LRP1B: variants seen among roughly 807,000 people sequenced by gnomAD.
The protein encoded by LRP1B is low-density lipoprotein receptor-related protein 1B.
Under a neutral mutation model 556.6 loss-of-function variants are expected in LRP1B, and 217 were observed. The observed-to-expected ratio is 0.39, with a 90% CI of 0.35 to 0.44. LRP1B has a LOEUF of 0.44. Ranked by LOEUF, LRP1B falls within the 20% of genes least tolerant of loss-of-function variation. The probability of loss-of-function intolerance (pLI) is 1.00; values close to 1 mark genes in which losing one functional copy is unlikely to be tolerated. For synonymous variants in LRP1B, 2,047 were observed against 1,865.8 expected, an observed-to-expected ratio of 1.10 and a Z score of -2.50; for missense variants, 5,053 against 5,620.8, an observed-to-expected ratio of 0.90 and a Z score of 3.23.
At chr2:140,594,330 T>C (rs1019837560) in intron 43 of LRP1B, among the ~76,000 whole-genome samples, 2 of 151,772 alleles carry the variant, frequency 1.3e-5, no homozygotes, top group African/African-American at 2.4e-5. Flanking sequence ...AGAACAAAGC[T>C]ACATGCTGTT....
At chr2:140,928,290 A>G (rs899241504) in intron 20 of LRP1B, among the ~76,000 whole-genome samples, 10 of 152,218 alleles carry the variant, frequency 6.6e-5, no homozygotes, top group African/African-American at 2.4e-4. Context: ...TATTATAGAT[A>G]GTATAACAGA....
chr2:142,102,310 G>GACACACACAC (rs545948639), intron 1 of LRP1B, among the ~76,000 whole-genome samples: 3 of 150,984 alleles, frequency 2.0e-5, no homozygotes, highest in Non-Finnish European at 3.0e-5. Flanking sequence ...AAATGACACA[G>GACACACACAC]ACACACACAC....
At chr2:140,286,360 G>A (rs1683152624) in intron 84 of LRP1B, among the ~76,000 whole-genome samples, 2 of 151,820 alleles carry the variant, frequency 1.3e-5, no homozygotes, top group African/African-American at 4.8e-5. Context: ...GAGGGAGACT[G>A]GAAAGGAAAA....
chr2:140,660,989 C>T (rs908169343), intron 41 of LRP1B, among the ~76,000 whole-genome samples: 2 of 151,494 alleles, frequency 1.3e-5, no homozygotes, highest in Non-Finnish European at 2.9e-5. Context: ...TCTTCTTCTG[C>T]TTTTGTTAAC....
chr2:141,983,640 C>T (rs1190554513), intron 1 of LRP1B, among the ~76,000 whole-genome samples: 2 of 152,112 alleles, frequency 1.3e-5, no homozygotes, highest in Non-Finnish European at 2.9e-5. Context: ...ACATTTTTAA[C>T]AGTGAAAATC....
intron 2 of LRP1B, among the ~76,000 whole-genome samples, chr2:141,543,746 A>C (rs1685355578): frequency 6.6e-6 from 1 of 151,796 alleles, no homozygotes; most frequent in East Asian, 1.9e-4. Context: ...AGAAAAAAAA[A>C]ACAAATACAC....
At chr2:141,002,046 C>T (rs1232209496) in intron 15 of LRP1B, among the ~76,000 whole-genome samples, 1 of 152,026 alleles carries the variant, frequency 6.6e-6, no homozygotes, top group African/African-American at 2.4e-5. Flanking sequence ...TGTTGGCAAA[C>T]TGTGGATCTT....
chr2:140,903,310 T>C, intron 22 of LRP1B, 145 bp from the exon 23 acceptor site: 1 of 871,494 alleles, frequency 1.1e-6, no homozygotes, highest in Non-Finnish European at 1.7e-6. Flanking sequence ...TTATTTTTGC[T>C]TCAGGGGTTG....
intron 1 of LRP1B, among the ~76,000 whole-genome samples, chr2:141,822,437 G>T (rs1574400611): frequency 6.6e-6 from 1 of 152,012 alleles, no homozygotes; most frequent in South Asian, 2.1e-4. Flanking sequence ...AAATGCAAAA[G>T]AAAAAGCCTA....
rs1454428345 is a variant in LRP1B, at chr2:141,474,043, CCTTT to C, written c.343+6349_343+6352del. Among the ~76,000 whole-genome samples, 181 of 113,598 alleles carry C rather than the reference CCTTT, an allele frequency of 1.6e-3. 1 individual carries two copies. Among genetic ancestry groups the C allele is most frequent in the Non-Finnish European group, 1.3e-3 (78 of 58,010 alleles). The allele number at this position is 113,598 out of a possible 152,430, so 74.5% of individuals were successfully genotyped here. On this transcript the variant is annotated intron_variant, in intron 3 of 90. Transcript: ENST00000389484. ...TCCTTCCTTCCTTCCTTCCTTCCTT[CCTTT>C]CCTTCCTTCCTCCCTCCCTCCCTTC...
intron 3 of LRP1B, among the ~76,000 whole-genome samples, chr2:141,386,886 C>T (rs1000851708): frequency 6.6e-6 from 1 of 151,978 alleles, no homozygotes; most frequent in African/African-American, 2.4e-5. Context: ...ATTCCACCAG[C>T]ATCCACAGAA....
chr2:141,219,483 G>C (rs766474357), intron 6 of LRP1B, among the ~76,000 whole-genome samples: 1 of 152,196 alleles, frequency 6.6e-6, no homozygotes, highest in Non-Finnish European at 1.5e-5. Context: ...AGGTGTGACC[G>C]TGATCTTGAA....
intron 7 of LRP1B, among the ~76,000 whole-genome samples, chr2:141,126,844 T>C (rs566023716): frequency 6.6e-6 from 1 of 151,888 alleles, no homozygotes; most frequent in Non-Finnish European, 1.5e-5. Context: ...ACCCCTAATA[T>C]GATGATTAAT....
intron 1 of LRP1B, among the ~76,000 whole-genome samples, chr2:141,965,820 T>C (rs1701548029): frequency 6.8e-6 from 1 of 147,262 alleles, no homozygotes; most frequent in Admixed American, 6.8e-5. Flanking sequence ...AAAAGAAAAT[T>C]GTTTTTTTTT....
intron 1 of LRP1B, among the ~76,000 whole-genome samples, chr2:141,995,375 T>G (rs1702462548): frequency 2.0e-5 from 3 of 152,172 alleles, no homozygotes; most frequent in Admixed American, 6.5e-5. Context: ...TCTCACTGAA[T>G]ATCACTCTTA....
At chr2:140,799,631 C>T (rs572329287) in intron 32 of LRP1B, among the ~76,000 whole-genome samples, 24 of 152,264 alleles carry the variant, frequency 1.6e-4, no homozygotes, top group African/African-American at 4.8e-4. Context: ...CAGACTTATG[C>T]AATTACAAAT....
At chr2:142,053,391 AC>A (rs931026530) in intron 1 of LRP1B, among the ~76,000 whole-genome samples, 48 of 152,162 alleles carry the variant, frequency 3.2e-4, no homozygotes, top group African/African-American at 1.1e-3. Context: ...TCAAATGTTC[AC>A]AGCTATAAAA....
At chr2:141,037,992 T>C (rs912574703) in intron 11 of LRP1B, among the ~76,000 whole-genome samples, 2 of 151,926 alleles carry the variant, frequency 1.3e-5, no homozygotes, top group Admixed American at 6.6e-5. Context: ...ATAATGGGAC[T>C]AGTTCAAATA....
At chr2:142,115,579 TGTAA>T (rs1707190429) in intron 1 of LRP1B, among the ~76,000 whole-genome samples, 2 of 45,092 alleles carry the variant, frequency 4.4e-5, no homozygotes, top group African/African-American at 1.5e-4. Flanking sequence ...ATATTATATA[TGTAA>T]TATATATATT....
Sources: allele counts gnomAD v4.1 joint callset (sites outside exome capture counted in the v4.1 genomes callset), GRCh38; gene constraint gnomAD v4.1.1; transcripts MANE v1.5; gene names NCBI Gene and HGNC (gene_info 2026-07-23, HGNC 2026-07-21).